ATP8A1: variants seen among roughly 807,000 people sequenced by gnomAD.
ATP8A1 encodes phospholipid-transporting ATPase IA.
ATP8A1 carries 90 observed loss-of-function variants against 177.7 expected under a neutral mutation model. The observed-to-expected ratio is 0.51, with a 90% CI of 0.43 to 0.60. ATP8A1 has a LOEUF of 0.60. Among genes scored for constraint, ATP8A1 ranks in the 20% least tolerant of loss-of-function variants. The probability of loss-of-function intolerance (pLI) is 0.00; values close to 1 mark genes in which losing one functional copy is unlikely to be tolerated. For missense variants in ATP8A1, 1,072 were observed against 1,392.8 expected (o/e 0.77, Z 3.67); for synonymous variants, 493 against 485.9 (o/e 1.01, Z -0.19).
chr4:42,427,314 T>C (rs1367190666), intron 33 of ATP8A1, among the ~76,000 whole-genome samples: 1 of 152,234 alleles, frequency 6.6e-6, no homozygotes, highest in African/African-American at 2.4e-5. Context: ...AAATAGCCCA[T>C]TTATCTTCAT....
chr4:42,530,761 C>T (rs539101772), intron 20 of ATP8A1, among the ~76,000 whole-genome samples: 2 of 152,280 alleles, frequency 1.3e-5, no homozygotes, highest in African/African-American at 4.8e-5. Flanking sequence ...TCCAGAAGGC[C>T]GTGTATGCTC....
chr4:42,522,691 A>C (rs914293885), intron 21 of ATP8A1, among the ~76,000 whole-genome samples: 1 of 152,062 alleles, frequency 6.6e-6, no homozygotes, highest in Non-Finnish European at 1.5e-5. Flanking sequence ...CACTTCCCAC[A>C]TAGGGGGGTC....
At chr4:42,530,330 T>G (rs1020013908) in intron 20 of ATP8A1, among the ~76,000 whole-genome samples, 1 of 152,132 alleles carries the variant, frequency 6.6e-6, no homozygotes, top group African/African-American at 2.4e-5. Context: ...GCCAGCCACC[T>G]GGTGGCAGAT....
intron 25 of ATP8A1, among the ~76,000 whole-genome samples, chr4:42,475,483 A>G (rs1182547075): frequency 9.8e-6 from 1 of 101,852 alleles, no homozygotes; most frequent in Non-Finnish European, 2.2e-5. Context: ...AGCAAATTAA[A>G]TATCAGACAA....
At chr4:42,626,834 T>C in intron 2 of ATP8A1, 161 bp downstream of exon 2, 1 of 645,862 alleles carries the variant, frequency 1.5e-6, no homozygotes, top group Non-Finnish European at 2.8e-6. Context: ...TGAATATTTC[T>C]CTATGGGAGA....
intron 20 of ATP8A1, among the ~76,000 whole-genome samples, chr4:42,534,740 A>C (rs1727606907): frequency 2.0e-5 from 3 of 152,206 alleles, no homozygotes; most frequent in Admixed American, 1.3e-4. Context: ...TGAAGAAAAA[A>C]ATCTTAAGAG....
intron 20 of ATP8A1, among the ~76,000 whole-genome samples, chr4:42,529,796 G>A (rs966931053): frequency 2.0e-5 from 3 of 152,162 alleles, no homozygotes; most frequent in South Asian, 4.1e-4. Flanking sequence ...AAATCTTCCC[G>A]GTGGGCAGCA....
intron 22 of ATP8A1, among the ~76,000 whole-genome samples, chr4:42,508,173 C>T (rs920415701): frequency 2.0e-5 from 3 of 152,180 alleles, no homozygotes; most frequent in Non-Finnish European, 2.9e-5. Flanking sequence ...TGCTCTGTTG[C>T]TCAGGCTGAA....
At chr4:42,537,930 CA>C (rs1728011823) in intron 20 of ATP8A1, among the ~76,000 whole-genome samples, 1 of 152,108 alleles carries the variant, frequency 6.6e-6, no homozygotes, top group South Asian at 2.1e-4. Context: ...TATGGAACCA[CA>C]AAAGAGCCTG....
chr4:42,593,684 C>G (rs193151676), intron 6 of ATP8A1, among the ~76,000 whole-genome samples: 39 of 152,048 alleles, frequency 2.6e-4, no homozygotes, highest in African/African-American at 8.0e-4. Context: ...AAACCTAAAA[C>G]CATTTGAAAG....
rs1714137287 is a variant in ATP8A1 at position 42,422,807 on chromosome 4, C to G, written c.3305G>C (p.Ser1102Thr). ...AGAATATATTCACTGTGTATTTTAC[C>G]TTTTTCCAAGTACAACTGCTCCTGG... ...QDPGAVVLGKSLTERAQLLKN... is the reference protein window; with the variant it reads ...QDPGAVVLGKTLTERAQLLKN... Residue 1102 changes from serine (S) to threonine (T), a missense_variant and splice_region_variant, in exon 35 of 37, where the codon AGC (serine) becomes ACC (threonine). By Grantham distance (58) the Ser-to-Thr change is moderately conservative (BLOSUM62 1). Coordinates refer to ENST00000381668, the MANE Select transcript of ATP8A1 (RefSeq NM_006095.2). 9 of 1,609,324 alleles carry G rather than the reference C, an allele frequency of 5.6e-6. No homozygotes were observed. The highest frequency in any genetic ancestry group is 6.8e-6 in the Non-Finnish European group (8 of 1,177,330).
At chr4:42,525,789 T>C (rs1726615493) in intron 20 of ATP8A1, among the ~76,000 whole-genome samples, 1 of 152,200 alleles carries the variant, frequency 6.6e-6, no homozygotes, top group Admixed American at 6.5e-5. Context: ...GTCTCCAGTC[T>C]CAGGGCTGAT....
chr4:42,478,592 G>C (rs755906993), intron 25 of ATP8A1, among the ~76,000 whole-genome samples: 13 of 151,668 alleles, frequency 8.6e-5, no homozygotes, highest in Non-Finnish European at 1.5e-4. Flanking sequence ...AAAAATCAAA[G>C]AGCCACTTGC....
rs750403135 is a variant in ATP8A1 at position 42,581,741 on chromosome 4, G to T, written c.723-9C>A. ...CTCCCAGTGGAACGGTGCTAGGACA[G>T]ATTACGTTGACATTAGAAACAGTAT... On this transcript the variant is annotated splice_polypyrimidine_tract_variant and intron_variant, in intron 9 of 36. Coordinates refer to ENST00000381668, the MANE Select transcript of ATP8A1 (RefSeq NM_006095.2). The T allele has an allele frequency of 2.5e-6, 4 of 1,592,448 alleles. No individual in the cohort carries two copies. In the Admixed American group the frequency reaches 6.8e-5, roughly 27 times the overall value.
intron 24 of ATP8A1, among the ~76,000 whole-genome samples, chr4:42,499,418 C>T (rs939369600): frequency 6.6e-6 from 1 of 152,144 alleles, no homozygotes; most frequent in East Asian, 1.9e-4. Context: ...ACAGATCCCA[C>T]AACTCCTCAC....
intron 6 of ATP8A1, among the ~76,000 whole-genome samples, chr4:42,598,002 T>G (rs1577672900): frequency 6.6e-6 from 1 of 152,262 alleles, no homozygotes; most frequent in Admixed American, 6.5e-5. Flanking sequence ...TCTTAATCAT[T>G]TGTCCTATTT....
At chr4:42,559,633 G>C (rs1730605880) in intron 15 of ATP8A1, among the ~76,000 whole-genome samples, 1 of 152,090 alleles carries the variant, frequency 6.6e-6, no homozygotes, top group South Asian at 2.1e-4. Flanking sequence ...TGTTTAACTG[G>C]TATAAAATAC....
intron 1 of ATP8A1, among the ~76,000 whole-genome samples, chr4:42,638,240 C>CT (rs1487187249): frequency 6.6e-6 from 1 of 152,172 alleles, no homozygotes; most frequent in African/African-American, 2.4e-5. Flanking sequence ...TGACATGTTT[C>CT]TTTAAGTGCC....
chr4:42,471,543 G>A (rs1720415166), intron 25 of ATP8A1, among the ~76,000 whole-genome samples: 1 of 152,182 alleles, frequency 6.6e-6, no homozygotes, highest in South Asian at 2.1e-4. Context: ...TCTATTGATG[G>A]TGTGTATTTG....
Sources: gnomAD v4.1 joint callset for allele counts (sites outside exome capture counted in the v4.1 genomes callset) on GRCh38, gnomAD v4.1.1 for gene constraint, MANE v1.5 for transcripts, NCBI Gene and HGNC (gene_info 2026-07-23, HGNC 2026-07-21) for gene names.